The following MAP3K15 variants were observed in gnomAD, a reference collection of about 807,000 sequenced individuals.
MAP3K15 encodes the protein MAPK/ERK kinase kinase 15.
MAP3K15 carries 124 observed loss-of-function variants against 99.5 expected under a neutral mutation model. That is an observed-to-expected ratio of 1.25 (90% CI 1.08 to 1.45). The LOEUF is 1.45. MAP3K15 is among the 40% of genes most tolerant of loss of function. The pLI, the probability that MAP3K15 is intolerant of heterozygous loss-of-function variation, is 0.00. For synonymous variants in MAP3K15, 494 were observed against 439.6 expected (o/e 1.12, Z -1.55); for missense variants, 1,242 against 1,079.7 (o/e 1.15, Z -2.11).
At chrX:19,395,241 C>T (rs376747067) in intron 15 of MAP3K15, 33 bp from the exon 16 acceptor site, 1 of 1,193,312 alleles carries the variant, frequency 8.4e-7, no homozygotes, top group Non-Finnish European at 1.1e-6. Flanking sequence ...GGTCACCTGC[C>T]AAATCCCAGG....
chrX:19,413,263 G>T, intron 11 of MAP3K15, 94 bp downstream of exon 11: 1 of 582,152 alleles, frequency 1.7e-6, no homozygotes, highest in Non-Finnish European at 2.8e-6. Context: ...TCATAATTCA[G>T]AAGTTAAACA....
chrX:19,493,346 CAA>C (rs755083263), intron 1 of MAP3K15, among the ~76,000 whole-genome samples: 111 of 49,132 alleles, frequency 2.3e-3, no homozygotes, highest in African/African-American at 6.9e-3. Context: ...TACTGCTACT[CAA>C]AAAAAAAAAA....
chrX:19,481,498 G>T (rs919792312), intron 3 of MAP3K15, among the ~76,000 whole-genome samples: 1 of 111,458 alleles, frequency 9.0e-6, no homozygotes, highest in Non-Finnish European at 1.9e-5. Flanking sequence ...TATACCAAAA[G>T]CACGATCCAT....
intron 9 of MAP3K15, among the ~76,000 whole-genome samples, chrX:19,419,736 A>G (rs1455691670): frequency 8.9e-6 from 1 of 111,866 alleles, no homozygotes; most frequent in East Asian, 2.8e-4. Context: ...CAGAATATAC[A>G]TTCTTCTCAG....
chrX:19,417,856 T>C (rs1299888617), intron 9 of MAP3K15, among the ~76,000 whole-genome samples: 1 of 111,845 alleles, frequency 8.9e-6, no homozygotes, highest in Non-Finnish European at 1.9e-5. Context: ...TCCAGAGGAA[T>C]GATCAGGCAA....
chrX:19,513,924 G>C (rs2064538174), intron 1 of MAP3K15, among the ~76,000 whole-genome samples: 2 of 109,968 alleles, frequency 1.8e-5, no homozygotes, highest in African/African-American at 6.6e-5. Context: ...TGGATTCTCA[G>C]GCACATTTAT....
intron 18 of MAP3K15, among the ~76,000 whole-genome samples, chrX:19,384,610 G>A (rs1413649842): frequency 1.9e-5 from 2 of 107,888 alleles, no homozygotes; most frequent in African/African-American, 6.7e-5. Context: ...AGGGTTGGTG[G>A]TGTGCACATG....
chrX:19,515,182 C>G lies in MAP3K15; in HGVS notation c.80G>C (p.Gly27Ala). Reference protein sequence around the residue: ...SESPQCPPPPGVEGAAGPAEP... With the variant: ...SESPQCPPPPAVEGAAGPAEP... ...CGCCGGCCCGGCCGCGCCCTCCACC[C>G]CCGGCGGCGGCGGGCACTGAGGGGA... Residue 27 changes from glycine (G) to alanine (A), a missense_variant, in exon 1 of 29, where the codon GGG becomes GCG. Gly to Ala is a moderately conservative substitution (Grantham distance 60, BLOSUM62 0). Coordinates refer to ENST00000338883, the MANE Select transcript of MAP3K15 (RefSeq NM_001001671.4). The G allele has an allele frequency of 1.2e-6, 1 of 844,025 alleles. No homozygotes were observed. Among genetic ancestry groups the G allele is most frequent in the South Asian group, 6.2e-5 (1 of 16,181 alleles). 69.6% of individuals were successfully genotyped at this position (844,025 alleles called of 1,213,427 possible). A position where few individuals can be genotyped will look rare whatever the true frequency, so the allele number is the denominator to read the frequency against.
At chrX:19,485,137 T>A (rs1343815130) in intron 3 of MAP3K15, among the ~76,000 whole-genome samples, 2 of 108,896 alleles carry the variant, frequency 1.8e-5, no homozygotes, top group East Asian at 5.8e-4. Flanking sequence ...TGGGAAACCA[T>A]GTCTCTACTA....
intron 1 of MAP3K15, 116 bp from the exon 2 acceptor site, chrX:19,489,083 AG>A: frequency 1.5e-6 from 1 of 651,096 alleles, no homozygotes; most frequent in Non-Finnish European, 2.3e-6. Context: ...TCAGCCTGTT[AG>A]GTAAAGTAAG....
chrX:19,495,594 T>C (rs1263352392), intron 1 of MAP3K15, among the ~76,000 whole-genome samples: 1 of 111,485 alleles, frequency 9.0e-6, no homozygotes, highest in African/African-American at 3.3e-5. Context: ...ATGTGTCTAC[T>C]ACCAGTTTTT....
intron 2 of MAP3K15, among the ~76,000 whole-genome samples, chrX:19,488,604 C>A (rs1027053633): frequency 1.5e-4 from 17 of 111,269 alleles, no homozygotes; most frequent in African/African-American, 5.6e-4. Context: ...CCTAACGAGC[C>A]CGGAAATGCC....
chrX:19,485,603 A>T (rs182033004), intron 3 of MAP3K15, among the ~76,000 whole-genome samples: 129 of 111,034 alleles, frequency 1.2e-3, no homozygotes, highest in African/African-American at 4.1e-3. Flanking sequence ...CCCAAGCTGC[A>T]GGTTGGGGAC....
chrX:19,415,211 T>C lies in MAP3K15; in HGVS notation c.1486A>G (p.Lys496Glu), dbSNP rs759565861. The change falls in exon 10 of 29, where the codon AAG (lysine) becomes GAG (glutamate). Residue 496 changes from lysine (K) to glutamate (E), a missense_variant. Lys to Glu is a moderately conservative substitution (Grantham distance 56). Coordinates refer to ENST00000338883, the MANE Select transcript of MAP3K15 (RefSeq NM_001001671.4). ...VQNLLLIRRF[K>E]KTIIEHSPRQ... is the part of the protein sequence containing the mutation. ...GGCGAGTGTTCAATAATGGTTTTCT[T>C]GAAGCGCCGAATTAGTAACAAGTTC... 5.9e-6 allele frequency: 7 copies of C among 1,181,380 alleles called. No individual in the cohort carries two copies. Among genetic ancestry groups the C allele is most frequent in the Non-Finnish European group, 7.9e-6 (7 of 885,353 alleles).
intron 6 of MAP3K15, among the ~76,000 whole-genome samples, chrX:19,449,622 T>C (rs1034432518): frequency 2.8e-5 from 3 of 108,840 alleles, no homozygotes; most frequent in Admixed American, 2.0e-4. Context: ...CAGAGAGTTA[T>C]CCAGCTCCAA....
chrX:19,384,000 A>G (rs1439241261), intron 18 of MAP3K15, among the ~76,000 whole-genome samples: 4 of 112,072 alleles, frequency 3.6e-5, no homozygotes, highest in Non-Finnish European at 7.5e-5. Flanking sequence ...TACCCAAAAG[A>G]AAGGAAATCA....
At chrX:19,491,976 G>A (rs1006685838) in intron 1 of MAP3K15, among the ~76,000 whole-genome samples, 1 of 106,976 alleles carries the variant, frequency 9.3e-6, no homozygotes, top group Non-Finnish European at 1.9e-5. Context: ...GTTAGCCACT[G>A]CACCTGGCTA....
At chrX:19,439,160 G>A (rs928490587) in intron 6 of MAP3K15, among the ~76,000 whole-genome samples, 3 of 111,138 alleles carry the variant, frequency 2.7e-5, no homozygotes, top group African/African-American at 6.6e-5. Flanking sequence ...TCGTGCCACC[G>A]GCCCTCACTC....
chrX:19,448,556 T>C (rs1042158777), intron 6 of MAP3K15, among the ~76,000 whole-genome samples: 4 of 98,183 alleles, frequency 4.1e-5, no homozygotes, highest in African/African-American at 1.5e-4. Flanking sequence ...TGGAGGAAGG[T>C]CCCCCCCTGT....
Sources: gnomAD v4.1 joint callset for allele counts (sites outside exome capture counted in the v4.1 genomes callset) on GRCh38, gnomAD v4.1.1 for gene constraint, MANE v1.5 for transcripts, NCBI Gene and HGNC (gene_info 2026-07-23, HGNC 2026-07-21) for gene names.